Variants in EIF3E observed in about 807,000 individuals in gnomAD.
The protein encoded by EIF3E is eukaryotic translation initiation factor 3 subunit E.
A neutral mutation model predicts 59.3 loss-of-function variants in EIF3E; 25 were observed. That is an observed-to-expected ratio of 0.42 (90% CI 0.31 to 0.59). The LOEUF (loss-of-function observed/expected upper bound fraction) is 0.59. Ranked by LOEUF, EIF3E falls within the 20% of genes least tolerant of loss-of-function variation. EIF3E has a pLI of 0.15. For synonymous variants in EIF3E, 176 were observed against 170.2 expected (o/e 1.03, Z -0.26); for missense variants, 317 against 534.3 (o/e 0.59, Z 4.01).
intron 5 of EIF3E, 43 bp downstream of exon 5, chr8:108,234,955 A>G (rs1475859861): frequency 2.3e-6 from 3 of 1,305,700 alleles, no homozygotes; most frequent in Non-Finnish European, 3.1e-6. Flanking sequence ...GAATCCTACA[A>G]AAGACAAAAA....
chr8:108,234,979 A>AAAAAATT lies in EIF3E; in HGVS notation c.471+18_471+19insAATTTTT. On this transcript the variant is annotated intron_variant, in intron 5 of 12. Transcript: ENST00000220849. ...AAAAGACAAAAAAAAAAAAAAAAAA[A>AAAAAATT]ACATGTACTTATACTTACCAGCACT... The AAAAAATT allele has an allele frequency of 7.9e-7, 1 of 1,267,722 alleles. No homozygotes were observed. Among genetic ancestry groups the AAAAAATT allele is most frequent in the Non-Finnish European group, 1.1e-6 (1 of 913,418 alleles). The allele number at this position is 1,267,722 out of a possible 1,614,324, so 78.5% of individuals were successfully genotyped here.
At chr8:108,215,611 C>A (rs1163484170) in intron 9 of EIF3E, among the ~76,000 whole-genome samples, 4 of 151,854 alleles carry the variant, frequency 2.6e-5, no homozygotes, top group African/African-American at 9.7e-5. Flanking sequence ...GAGTGAGACT[C>A]TGTCTGAAAA....
rs569054501 is a variant in EIF3E, at chr8:108,209,513, T to C, written c.1061+5094A>G. ...ATATTTTCAATAATTTGTAACTTTATATTTATTTGTCCACTTATTTAATAT... is the reference window on the plus strand; with the variant it reads ...ATATTTTCAATAATTTGTAACTTTACATTTATTTGTCCACTTATTTAATAT... On this transcript the variant is annotated intron_variant, in intron 10 of 12. Coordinates refer to ENST00000220849, the MANE Select transcript of EIF3E (RefSeq NM_001568.3). 1.6e-3 allele frequency among the ~76,000 whole-genome samples: 249 copies of C among 152,220 alleles called. 1 individual carries two copies. Among genetic ancestry groups the C allele is most frequent in the Middle Eastern group, 0.01 (3 of 294 alleles).
intron 10 of EIF3E, among the ~76,000 whole-genome samples, chr8:108,214,074 C>A (rs1345921005): frequency 6.6e-6 from 1 of 152,114 alleles, no homozygotes; most frequent in Non-Finnish European, 1.5e-5. Context: ...ACAATTTTTT[C>A]CCAATATTTT....
At chr8:108,211,715 C>T (rs1168371370) in intron 10 of EIF3E, among the ~76,000 whole-genome samples, 1 of 152,176 alleles carries the variant, frequency 6.6e-6, no homozygotes, top group Non-Finnish European at 1.5e-5. Flanking sequence ...AACTGGTTAC[C>T]TAATGCAGTG....
intron 10 of EIF3E, among the ~76,000 whole-genome samples, chr8:108,205,746 T>G (rs535802120): frequency 1.3e-5 from 2 of 150,912 alleles, no homozygotes; most frequent in African/African-American, 4.9e-5. Flanking sequence ...AGCTATCAAG[T>G]GTCTTGATAT....
intron 5 of EIF3E, among the ~76,000 whole-genome samples, chr8:108,232,593 A>C (rs1815644635): frequency 6.6e-6 from 1 of 152,188 alleles, no homozygotes; most frequent in Non-Finnish European, 1.5e-5. Flanking sequence ...TTTCAGACTA[A>C]TATAAAACCA....
chr8:108,236,642 A>G (rs1159558903), intron 3 of EIF3E, among the ~76,000 whole-genome samples: 1 of 152,214 alleles, frequency 6.6e-6, no homozygotes, highest in Non-Finnish European at 1.5e-5. Flanking sequence ...TACAAACTAG[A>G]AGAAACTAAT....
intron 5 of EIF3E, among the ~76,000 whole-genome samples, chr8:108,230,563 T>C (rs906547120): frequency 6.6e-6 from 1 of 152,114 alleles, no homozygotes; most frequent in Non-Finnish European, 1.5e-5. Flanking sequence ...ACTCAGTCTA[T>C]ACTGAGATTC....
intron 7 of EIF3E, among the ~76,000 whole-genome samples, chr8:108,224,834 C>T (rs1414195493): frequency 6.6e-6 from 1 of 151,508 alleles, no homozygotes; most frequent in East Asian, 1.9e-4. Flanking sequence ...TAGAGTAAAT[C>T]AAAGCAGTGG....
chr8:108,217,327 G>T lies in EIF3E; in HGVS notation c.849+7C>A, dbSNP rs753444666. On this transcript the variant is annotated splice_region_variant and intron_variant, in intron 8 of 12. Coordinates refer to ENST00000220849, the MANE Select transcript of EIF3E (RefSeq NM_001568.3). The stretch of plus-strand genomic sequence containing the variant: ...AAAAAAAAAATCAATATATATTTTA[G>T]TTTTACCTGTTGAATAACTTTAACT... The T allele has an allele frequency of 2.9e-5, 44 of 1,528,036 alleles. No individual in the cohort carries two copies. The South Asian group carries it at 5.1e-4, about 18-fold the overall frequency. The allele number at this position is 1,528,036 out of a possible 1,614,324, so 94.7% of individuals were successfully genotyped here.
At chr8:108,220,070 G>C (rs1815379674) in intron 7 of EIF3E, among the ~76,000 whole-genome samples, 1 of 151,948 alleles carries the variant, frequency 6.6e-6, no homozygotes, top group African/African-American at 2.4e-5. Flanking sequence ...TTGAACCCGG[G>C]AGGTGGAGGT....
At chr8:108,235,242 T>C (rs1272677573) in intron 4 of EIF3E, 140 bp from the exon 5 acceptor site, 2 of 489,620 alleles carry the variant, frequency 4.1e-6, no homozygotes, top group Non-Finnish European at 3.5e-6. Context: ...CAAATGTATC[T>C]CTGATTATGG....
chr8:108,248,541 G>A, intron 1 of EIF3E, 72 bp downstream of exon 1: 1 of 1,505,978 alleles, frequency 6.6e-7, no homozygotes, highest in Non-Finnish European at 9.2e-7. Flanking sequence ...TAGGACTACA[G>A]ACACCACCTT....
At position 108,221,795 on chromosome 8, in the gene EIF3E, T is replaced by TAC. The variant is rs1554599509; in HGVS notation, c.723-4337_723-4336dup. 4.8e-5 allele frequency among the ~76,000 whole-genome samples: 7 copies of TAC among 147,042 alleles called. 1 individual carries two copies. Among genetic ancestry groups the TAC allele is most frequent in the East Asian group, 4.0e-4 (2 of 5,010 alleles). ...CATTAGAGCTCAAAAGCTGCCAGAC[T>TAC]ACACACACACGCACACACACACACA... On this transcript the variant is annotated intron_variant, in intron 7 of 12. Coordinates refer to ENST00000220849, the MANE Select transcript of EIF3E (RefSeq NM_001568.3).
At chr8:108,241,450 A>G (rs1359251159) in intron 2 of EIF3E, among the ~76,000 whole-genome samples, 1 of 151,970 alleles carries the variant, frequency 6.6e-6, no homozygotes, top group Non-Finnish European at 1.5e-5. Flanking sequence ...AAAAAAAAAC[A>G]CAAAACTCTA....
intron 5 of EIF3E, chr8:108,233,731 G>A (rs969244785): frequency 4.5e-5 from 14 of 308,654 alleles, no homozygotes; most frequent in Non-Finnish European, 9.2e-5. Flanking sequence ...TGTAGTCCTA[G>A]CTATTCAGGA....
intron 1 of EIF3E, chr8:108,242,713 G>C (rs559121588): frequency 2.9e-6 from 3 of 1,022,316 alleles, no homozygotes; most frequent in Non-Finnish European, 3.5e-6. Context: ...AGTAAGACAA[G>C]ACAGACCTTG....
chr8:108,239,561 C>T (rs1815798327), intron 3 of EIF3E, among the ~76,000 whole-genome samples: 1 of 98,548 alleles, frequency 1.0e-5, no homozygotes, highest in Admixed American at 9.4e-5. Flanking sequence ...GTAGCGGCAG[C>T]AGTGCTTGTC....
Sources: gnomAD v4.1 joint callset for allele counts (sites outside exome capture counted in the v4.1 genomes callset) on GRCh38, gnomAD v4.1.1 for gene constraint, MANE v1.5 for transcripts, NCBI Gene and HGNC (gene_info 2026-07-23, HGNC 2026-07-21) for gene names.